FABP12: variants seen among roughly 807,000 people sequenced by gnomAD.
FABP12 encodes fatty acid binding protein 12.
A neutral mutation model predicts 13.7 loss-of-function variants in FABP12; 19 were observed. That is an observed-to-expected ratio of 1.39 (90% CI 0.97 to 2.04). The LOEUF is 2.04. Among genes scored for constraint, FABP12 ranks in the 30% most tolerant of loss-of-function variants. The pLI is 0.00. For synonymous variants in FABP12, 61 were observed against 57.0 expected, an observed-to-expected ratio of 1.07 and a Z score of -0.32; for missense variants, 182 against 164.2, an observed-to-expected ratio of 1.11 and a Z score of -0.59.
chr8:81,527,961 GAATAAT>G lies in FABP12; in HGVS notation c.247-846_247-841del, dbSNP rs554276374. Among the ~76,000 whole-genome samples the G allele has an allele frequency of 5.1e-3, 772 of 151,494 alleles. 5 individuals carry two copies. Among genetic ancestry groups the G allele is most frequent in the African/African-American group, 0.017 (688 of 41,308 alleles). On this transcript the variant is annotated intron_variant, in intron 3 of 4. Coordinates refer to ENST00000360464, the Ensembl canonical transcript of FABP12. ...GCAACAGAGACCCTGTCTCAATAAAGAATAATAATAATAATAATACATGTGAAACTA... is the reference window on the plus strand; with the variant it reads ...GCAACAGAGACCCTGTCTCAATAAAGAATAATAATAATACATGTGAAACTA...
At chr8:81,580,165 C>T (rs905702115) in intron 1 of FABP12, among the ~76,000 whole-genome samples, 1 of 152,190 alleles carries the variant, frequency 6.6e-6, no homozygotes, top group Non-Finnish European at 1.5e-5. Context: ...TGCCAGGCCA[C>T]CTTTTAAACA....
At chr8:81,542,930 A>G (rs537988518) in intron 1 of FABP12, among the ~76,000 whole-genome samples, 1 of 152,300 alleles carries the variant, frequency 6.6e-6, no homozygotes, top group Admixed American at 6.5e-5. Flanking sequence ...GAGGACAAAG[A>G]CTACCTGACA....
Position 81,581,331 on chromosome 8 carries a change from T to A in FABP12, c.-185+8722A>T, listed in dbSNP as rs773063776. 9.3e-4 allele frequency among the ~76,000 whole-genome samples: 141 copies of A among 152,198 alleles called. 3 individuals carry two copies. The highest frequency in any genetic ancestry group is 2.2e-4 in the Non-Finnish European group (15 of 68,032). On this transcript the variant is annotated intron_variant, in intron 1 of 5. Transcript: ENST00000692030. ...ATATTTTTACCTGTGGAAACACTCT[T>A]CTGCTCCAAAAGTCTGGTTTGACCC... is the stretch of plus-strand genomic sequence containing the variant.
chr8:81,566,003 A>G (rs1370553397), intron 1 of FABP12, among the ~76,000 whole-genome samples: 3 of 152,060 alleles, frequency 2.0e-5, no homozygotes, highest in Non-Finnish European at 4.4e-5. Flanking sequence ...GATACCACAA[A>G]AACTCAAAGG....
intron 1 of FABP12, among the ~76,000 whole-genome samples, chr8:81,566,912 A>C (rs977449152): frequency 6.6e-6 from 1 of 152,260 alleles, no homozygotes; most frequent in Non-Finnish European, 1.5e-5. Context: ...GAAAAACCTA[A>C]AGACTCTATC....
At chr8:81,540,285 C>T (rs536995939) in intron 1 of FABP12, among the ~76,000 whole-genome samples, 16 of 152,290 alleles carry the variant, frequency 1.1e-4, no homozygotes, top group African/African-American at 3.6e-4. Flanking sequence ...AATATGAGAA[C>T]CATTGACCAC....
At chr8:81,577,877 T>C (rs1286399017) in intron 1 of FABP12, among the ~76,000 whole-genome samples, 4 of 152,232 alleles carry the variant, frequency 2.6e-5, no homozygotes. Context: ...TAAATCTTAT[T>C]CCCAATATTC....
upstream of FABP12, among the ~76,000 whole-genome samples, chr8:81,534,741 G>A (rs1809179491): frequency 6.6e-6 from 1 of 152,074 alleles, no homozygotes; most frequent in African/African-American, 2.4e-5. Context: ...TCAGGAGTTT[G>A]AGACCATCCT....
At position 81,539,996 on chromosome 8, in the gene FABP12, C is replaced by A. The variant is rs182658019; in HGVS notation, c.-184-253G>T. Among the ~76,000 whole-genome samples the A allele has an allele frequency of 2.1e-3, 324 of 152,278 alleles. 1 individual carries two copies. Among genetic ancestry groups the A allele is most frequent in the Middle Eastern group, 6.8e-3 (2 of 294 alleles). On this transcript the variant is annotated intron_variant, in intron 1 of 5. Transcript: ENST00000692030. ...TTGTAAAAATGCCAACTCCTATGAG[C>A]CGGCATAGGTCAGAATTGCCAAGGA...
At chr8:81,531,319 G>A (rs371517951) in exon 2 of FABP12, 226 of 1,594,012 alleles carry the variant, frequency 1.4e-4, no homozygotes, top group Middle Eastern at 3.5e-4. Context: ...CAATCATTCT[G>A]TCTGAGATAA....
intron 1 of FABP12, among the ~76,000 whole-genome samples, chr8:81,550,818 C>T (rs139239891): frequency 6.6e-6 from 1 of 152,266 alleles, no homozygotes; most frequent in African/African-American, 2.4e-5. Flanking sequence ...CATGCAGTAG[C>T]TCAGTTAACT....
intron 1 of FABP12, among the ~76,000 whole-genome samples, chr8:81,575,202 G>A (rs116177179): frequency 0.018 from 2,697 of 152,130 alleles, 61 homozygotes; most frequent in African/African-American, 0.059. Flanking sequence ...TCTTGGTTTC[G>A]TTTTCAACCC....
intron 1 of FABP12, among the ~76,000 whole-genome samples, chr8:81,565,423 C>T (rs1190444729): frequency 6.6e-6 from 1 of 151,784 alleles, no homozygotes; most frequent in Non-Finnish European, 1.5e-5. Context: ...CAAGAATAGA[C>T]CATAAGTTAG....
chr8:81,566,820 G>A (rs1385647941), intron 1 of FABP12, among the ~76,000 whole-genome samples: 2 of 151,932 alleles, frequency 1.3e-5, no homozygotes, highest in Non-Finnish European at 1.5e-5. Flanking sequence ...GCAATCAGAC[G>A]GGAGAAAGAA....
At position 81,541,541 on chromosome 8, in the gene FABP12, C is replaced by T. The variant is rs544862542; in HGVS notation, c.-184-1798G>A. ...GCAATTCCCCTGGCCTCAGTCCTTGCATGGTAACACCCCTGATGAGGCTCA... is the reference window on the plus strand; with the variant it reads ...GCAATTCCCCTGGCCTCAGTCCTTGTATGGTAACACCCCTGATGAGGCTCA... On this transcript the variant is annotated intron_variant, in intron 1 of 5. Transcript: ENST00000692030. Among the ~76,000 whole-genome samples, 3 of 152,288 alleles carry T rather than the reference C, an allele frequency of 2.0e-5. No individual in the cohort carries two copies. In the East Asian group the frequency reaches 5.8e-4, roughly 29 times the overall value.
intron 1 of FABP12, among the ~76,000 whole-genome samples, chr8:81,565,385 C>T (rs550842569): frequency 2.7e-4 from 41 of 152,136 alleles, no homozygotes; most frequent in African/African-American, 8.7e-4. Context: ...GCAGAATATA[C>T]ATTCTTCCCC....
intron 1 of FABP12, among the ~76,000 whole-genome samples, chr8:81,546,239 A>T (rs760351967): frequency 4.6e-5 from 7 of 152,214 alleles, no homozygotes; most frequent in Non-Finnish European, 1.0e-4. Flanking sequence ...AAGAGATGAA[A>T]ACCTGAAAGT....
intron 1 of FABP12, among the ~76,000 whole-genome samples, chr8:81,569,452 A>G (rs1809885824): frequency 6.6e-6 from 1 of 152,230 alleles, no homozygotes; most frequent in Non-Finnish European, 1.5e-5. Flanking sequence ...CATCTAGAAG[A>G]AACAGACTGA....
intron 1 of FABP12, among the ~76,000 whole-genome samples, chr8:81,563,912 A>C (rs1375325571): frequency 6.6e-6 from 1 of 152,164 alleles, no homozygotes; most frequent in East Asian, 1.9e-4. Context: ...AACTTAGAGA[A>C]AGATATCAAT....
Sources: gnomAD v4.1 joint callset for allele counts (sites outside exome capture counted in the v4.1 genomes callset) on GRCh38, gnomAD v4.1.1 for gene constraint, MANE v1.5 for transcripts, NCBI Gene and HGNC (gene_info 2026-07-23, HGNC 2026-07-21) for gene names.